The following CACHD1 variants were observed in gnomAD, a reference collection of about 807,000 sequenced individuals.
CACHD1 encodes cache domain containing 1.
In CACHD1, 71 loss-of-function variants were observed where a neutral mutation model predicts 138.7. The ratio of observed to expected loss-of-function variants is 0.51; its 90% CI spans 0.42 to 0.62. The LOEUF (loss-of-function observed/expected upper bound fraction) is 0.62. CACHD1 is among the 20% of genes least tolerant of loss of function. The probability of loss-of-function intolerance (pLI) is 0.00; values close to 1 mark genes in which losing one functional copy is unlikely to be tolerated. For missense variants in CACHD1, 1,389 were observed against 1,625.3 expected (o/e 0.85, Z 2.50); for synonymous variants, 578 against 591.5 (o/e 0.98, Z 0.33).
At chr1:64,590,646 G>A (rs1336093361) in intron 3 of CACHD1, among the ~76,000 whole-genome samples, 1 of 151,868 alleles carries the variant, frequency 6.6e-6, no homozygotes, top group African/African-American at 2.4e-5. Context: ...AAGGGACTTA[G>A]CTTCAAGTCA....
chr1:64,501,269 A>C (rs1646338253), intron 1 of CACHD1, among the ~76,000 whole-genome samples: 2 of 152,170 alleles, frequency 1.3e-5, no homozygotes, highest in South Asian at 4.1e-4. Context: ...GAAAAGAAAA[A>C]TAGTTATAGC....
chr1:64,528,028 G>GT (rs2100393627), intron 1 of CACHD1, among the ~76,000 whole-genome samples: 1 of 152,330 alleles, frequency 6.6e-6, no homozygotes, highest in Non-Finnish European at 1.5e-5. Context: ...CTGGAAAGGA[G>GT]TGGGGGGATG....
At chr1:64,620,906 T>C (rs1471906742) in intron 4 of CACHD1, among the ~76,000 whole-genome samples, 1 of 152,166 alleles carries the variant, frequency 6.6e-6, no homozygotes. Flanking sequence ...GCCTTAGAGT[T>C]GGTTGGAGGA....
chr1:64,502,470 A>G (rs1336730212), intron 1 of CACHD1, among the ~76,000 whole-genome samples: 2 of 152,056 alleles, frequency 1.3e-5, no homozygotes, highest in Non-Finnish European at 2.9e-5. Context: ...TTCCTAAAAA[A>G]CACATGTGCC....
chr1:64,566,490 C>G lies in CACHD1; in HGVS notation c.262-15666C>G, dbSNP rs988824245. On this transcript the variant is annotated intron_variant, in intron 2 of 26. Transcript: ENST00000651257. ...TGTATGTTTTCAATTCCCCCCCCCCCACAAGGTATGGGGGAAGTACTGCCT... is the reference window on the plus strand; with the variant it reads ...TGTATGTTTTCAATTCCCCCCCCCCGACAAGGTATGGGGGAAGTACTGCCT... Among the ~76,000 whole-genome samples the G allele has an allele frequency of 7.0e-5, 10 of 143,338 alleles. No individual in the cohort carries two copies. The South Asian group carries it at 7.2e-4, about 10-fold the overall frequency. 94.0% of individuals were successfully genotyped at this position (143,338 alleles called of 152,430 possible).
At chr1:64,680,581 C>T (rs1175744603) in intron 24 of CACHD1, among the ~76,000 whole-genome samples, 8 of 152,096 alleles carry the variant, frequency 5.3e-5, no homozygotes, top group Admixed American at 5.2e-4. Flanking sequence ...TGTTTAAGTG[C>T]AGTATCTGTA....
Position 64,508,144 on chromosome 1 carries a change from C to A in CACHD1, c.198+37202C>A, listed in dbSNP as rs370472112. On this transcript the variant is annotated intron_variant, in intron 1 of 26. Transcript: ENST00000651257. ...GGAGGTGCTACACACTTTGAAACAA[C>A]CAGATTTTGTGAGAACTCAGTCATT... Among the ~76,000 whole-genome samples the A allele has an allele frequency of 3.9e-5, 6 of 152,196 alleles. No individual in the cohort carries two copies. In the South Asian group the frequency reaches 1.0e-3, roughly 26 times the overall value.
chr1:64,655,980 ACT>A (rs747907921), intron 12 of CACHD1, among the ~76,000 whole-genome samples: 5 of 152,144 alleles, frequency 3.3e-5, no homozygotes, highest in Non-Finnish European at 7.3e-5. Context: ...GAAGATTGAC[ACT>A]CTCTCTGCCT....
chr1:64,626,686 C>T (rs1250756784), intron 4 of CACHD1, among the ~76,000 whole-genome samples: 1 of 152,142 alleles, frequency 6.6e-6, no homozygotes, highest in Non-Finnish European at 1.5e-5. Flanking sequence ...AAGGTACATA[C>T]CCAAATGGCA....
intron 1 of CACHD1, among the ~76,000 whole-genome samples, chr1:64,518,818 A>G (rs1470058780): frequency 6.6e-6 from 1 of 152,156 alleles, no homozygotes; most frequent in Non-Finnish European, 1.5e-5. Flanking sequence ...TCTGGATAAC[A>G]TCAGCATGCC....
intron 3 of CACHD1, among the ~76,000 whole-genome samples, chr1:64,584,082 G>T (rs1647032247): frequency 6.6e-6 from 1 of 152,142 alleles, no homozygotes; most frequent in South Asian, 2.1e-4. Context: ...GCCCAAAGAA[G>T]AAACCATTTT....
At chr1:64,494,563 C>G (rs1646295871) in intron 1 of CACHD1, among the ~76,000 whole-genome samples, 1 of 152,172 alleles carries the variant, frequency 6.6e-6, no homozygotes, top group Non-Finnish European at 1.5e-5. Flanking sequence ...GATTTGGAAG[C>G]TCCAATCTAG....
At chr1:64,554,718 T>G (rs558527889) in intron 2 of CACHD1, among the ~76,000 whole-genome samples, 1 of 152,294 alleles carries the variant, frequency 6.6e-6, no homozygotes, top group East Asian at 1.9e-4. Flanking sequence ...TTTAGAAGTT[T>G]AAAAATGCTG....
chr1:64,681,171 C>A, intron 24 of CACHD1, 87 bp from the exon 25 acceptor site: 1 of 907,090 alleles, frequency 1.1e-6, no homozygotes, highest in Non-Finnish European at 1.8e-6. Context: ...TGTCACCCAG[C>A]CATCAAACAA....
intron 16 of CACHD1, among the ~76,000 whole-genome samples, chr1:64,668,623 G>A (rs1482051598): frequency 6.6e-6 from 1 of 152,182 alleles, no homozygotes; most frequent in South Asian, 2.1e-4. Context: ...GCAAGAAATG[G>A]CAGTTGAAGT....
intron 1 of CACHD1, among the ~76,000 whole-genome samples, chr1:64,482,353 A>G (rs77814339): frequency 1.4e-3 from 212 of 152,224 alleles, no homozygotes; most frequent in African/African-American, 4.3e-3. Flanking sequence ...TCTAAAGCCT[A>G]TATTTCTCAT....
intron 1 of CACHD1, among the ~76,000 whole-genome samples, chr1:64,475,710 C>T (rs372155434): frequency 6.6e-6 from 1 of 152,024 alleles, no homozygotes; most frequent in East Asian, 1.9e-4. Flanking sequence ...CGACACCCGG[C>T]TAATTTTTTT....
At chr1:64,519,977 A>G (rs552704223) in intron 1 of CACHD1, among the ~76,000 whole-genome samples, 2 of 152,232 alleles carry the variant, frequency 1.3e-5, no homozygotes, top group Non-Finnish European at 2.9e-5. Context: ...ACAGCCGTAT[A>G]TCAGCCAGTA....
At chr1:64,549,932 A>G (rs1033074578) in intron 1 of CACHD1, among the ~76,000 whole-genome samples, 5 of 152,092 alleles carry the variant, frequency 3.3e-5, no homozygotes, top group Non-Finnish European at 7.4e-5. Flanking sequence ...GACATTTTAA[A>G]TAGAGGCAAT....
Sources: allele counts gnomAD v4.1 joint callset (sites outside exome capture counted in the v4.1 genomes callset), GRCh38; gene constraint gnomAD v4.1.1; transcripts MANE v1.5; gene names NCBI Gene and HGNC (gene_info 2026-07-23, HGNC 2026-07-21).